The following CCDC3 variants were observed in gnomAD, a reference collection of about 807,000 sequenced individuals.
The protein encoded by CCDC3 is coiled-coil domain-containing protein 3.
A neutral mutation model predicts 21.4 loss-of-function variants in CCDC3; 24 were observed. The observed-to-expected ratio is 1.12, with a 90% CI of 0.81 to 1.58. The LOEUF (loss-of-function observed/expected upper bound fraction) is 1.58. Ranked by LOEUF, CCDC3 falls within the 40% of genes most tolerant of loss-of-function variation. The pLI, the probability that CCDC3 is intolerant of heterozygous loss-of-function variation, is 0.00. For synonymous variants in CCDC3, 186 were observed against 166.0 expected, an observed-to-expected ratio of 1.12 and a Z score of -0.93; for missense variants, 425 against 360.9, an observed-to-expected ratio of 1.18 and a Z score of -1.44.
intron 2 of CCDC3, among the ~76,000 whole-genome samples, chr10:12,908,781 CAG>C (rs1467676844): frequency 3.9e-5 from 6 of 152,004 alleles, no homozygotes; most frequent in Middle Eastern, 3.4e-3. Context: ...TTAGCAGAGA[CAG>C]GGTTTCACTG....
chr10:13,086,351 A>G (rs1422707200), intron 3 of CCDC3, among the ~76,000 whole-genome samples: 1 of 152,272 alleles, frequency 6.6e-6, no homozygotes. Context: ...TTAGCATAAC[A>G]ATTCCAAGTC....
At chr10:12,952,447 G>A (rs1297847638) in intron 2 of CCDC3, among the ~76,000 whole-genome samples, 1 of 152,192 alleles carries the variant, frequency 6.6e-6, no homozygotes. Flanking sequence ...TAGACTGAGA[G>A]AACAAAACAG....
intron 3 of CCDC3, among the ~76,000 whole-genome samples, chr10:13,097,317 C>G (rs544638940): frequency 6.6e-6 from 1 of 152,212 alleles, no homozygotes; most frequent in Non-Finnish European, 1.5e-5. Context: ...CTAACACAAG[C>G]AACAGCAACA....
intron 2 of CCDC3, among the ~76,000 whole-genome samples, chr10:12,991,219 C>G (rs1245342228): frequency 6.6e-6 from 1 of 152,192 alleles, no homozygotes; most frequent in Non-Finnish European, 1.5e-5. Flanking sequence ...CTGTCCCATT[C>G]CTATTTGCTT....
chr10:12,973,394 G>C (rs1835371127), intron 2 of CCDC3, among the ~76,000 whole-genome samples: 1 of 152,160 alleles, frequency 6.6e-6, no homozygotes, highest in South Asian at 2.1e-4. Context: ...ACCAATGGGG[G>C]AAGGCCTGAG....
chr10:13,058,393 G>A (rs762259067), intron 4 of CCDC3: 11 of 921,096 alleles, frequency 1.2e-5, no homozygotes, highest in South Asian at 7.7e-5. Context: ...ACGCTGCAGC[G>A]TAATTTGTCA....
chr10:12,956,882 C>G (rs1427676000), intron 2 of CCDC3, among the ~76,000 whole-genome samples: 1 of 152,210 alleles, frequency 6.6e-6, no homozygotes, highest in Non-Finnish European at 1.5e-5. Flanking sequence ...TGAAAAAACT[C>G]AAGGCTGCCA....
In CCDC3 at chr10:12,964,012, C is replaced by A. The variant is rs1835221113; in HGVS notation, c.549+34326G>T. ...GCCTACAAGGTACAAGTCAGTGATACAACTCTGGCCAATGACATGTGAGAA... is the reference window on the plus strand; with the variant it reads ...GCCTACAAGGTACAAGTCAGTGATAAAACTCTGGCCAATGACATGTGAGAA... On this transcript the variant is annotated intron_variant, in intron 2 of 2. Coordinates refer to ENST00000378825, the MANE Select transcript of CCDC3 (RefSeq NM_031455.4). Among the ~76,000 whole-genome samples, 3 of 151,600 alleles carry A rather than the reference C, an allele frequency of 2.0e-5. No homozygotes were observed. The South Asian group carries it at 6.4e-4, about 32-fold the overall frequency.
intron 2 of CCDC3, among the ~76,000 whole-genome samples, chr10:12,901,587 AT>A (rs1017650816): frequency 4.6e-5 from 7 of 152,234 alleles, no homozygotes; most frequent in African/African-American, 1.7e-4. Context: ...TGCACCTCTT[AT>A]TCCAAAGTCT....
chr10:12,948,845 C>T (rs888487227), intron 2 of CCDC3, among the ~76,000 whole-genome samples: 4 of 150,176 alleles, frequency 2.7e-5, no homozygotes, highest in African/African-American at 9.8e-5. Context: ...CATTCTCCTG[C>T]CTCAGCCTCC....
At chr10:12,955,020 A>T (rs1368748335) in intron 2 of CCDC3, among the ~76,000 whole-genome samples, 1 of 152,066 alleles carries the variant, frequency 6.6e-6, no homozygotes, top group Admixed American at 6.5e-5. Flanking sequence ...GTTGTCATTC[A>T]CAGCCTAGCA....
At chr10:12,899,324 T>C (rs1294649052) in intron 2 of CCDC3, among the ~76,000 whole-genome samples, 1 of 152,190 alleles carries the variant, frequency 6.6e-6, no homozygotes, top group Non-Finnish European at 1.5e-5. Context: ...ACATATTAGA[T>C]TGGCAAAATT....
Position 12,916,544 on chromosome 10 carries a change from T to C in CCDC3, c.550-17865A>G, listed in dbSNP as rs1834360282. Reference sequence around the variant, plus strand: ...CTGAGGCAGGAGAATCGCTTGAACCTGGGAGGCAGAGGTTGCAGTGAGCTG... The same window carrying C: ...CTGAGGCAGGAGAATCGCTTGAACCCGGGAGGCAGAGGTTGCAGTGAGCTG... On this transcript the variant is annotated intron_variant, in intron 2 of 2. Coordinates refer to ENST00000378825, the MANE Select transcript of CCDC3 (RefSeq NM_031455.4). 2.1e-5 allele frequency among the ~76,000 whole-genome samples: 3 copies of C among 144,266 alleles called. No homozygotes were observed. In the South Asian group the frequency reaches 6.6e-4, roughly 32 times the overall value. 94.6% of individuals were successfully genotyped at this position (144,266 alleles called of 152,430 possible).
At chr10:12,918,922 G>A (rs1244771385) in intron 2 of CCDC3, among the ~76,000 whole-genome samples, 2 of 152,162 alleles carry the variant, frequency 1.3e-5, no homozygotes, top group African/African-American at 2.4e-5. Context: ...ATGCATGGTG[G>A]TGGGCGCCTG....
intron 2 of CCDC3, among the ~76,000 whole-genome samples, chr10:12,939,484 A>C (rs1411037433): frequency 6.6e-6 from 1 of 152,178 alleles, no homozygotes; most frequent in Non-Finnish European, 1.5e-5. Context: ...TTAGCTAGGC[A>C]TAGTGGCATG....
Position 13,075,110 on chromosome 10 carries a change from C to T in CCDC3, c.-502-1010G>A, listed in dbSNP as rs370282937. Among the ~76,000 whole-genome samples, 12 of 152,342 alleles carry T rather than the reference C, an allele frequency of 7.9e-5. No homozygotes were observed. The East Asian group carries it at 1.7e-3, about 22-fold the overall frequency. On this transcript the variant is annotated intron_variant, in intron 3 of 6. Transcript: ENST00000378839. ...TCCCTGATGAACGAATGGTTTCCCACTGAAACGAGGCTTTACATCCCTTTA... is the reference window on the plus strand; with the variant it reads ...TCCCTGATGAACGAATGGTTTCCCATTGAAACGAGGCTTTACATCCCTTTA...
intron 2 of CCDC3, among the ~76,000 whole-genome samples, chr10:12,919,900 G>C (rs1834421543): frequency 6.6e-6 from 1 of 152,140 alleles, no homozygotes; most frequent in Non-Finnish European, 1.5e-5. Context: ...GAGGGAGTTT[G>C]ACCAGGGATG....
chr10:12,957,357 T>C (rs1420655102), intron 2 of CCDC3, among the ~76,000 whole-genome samples: 1 of 152,242 alleles, frequency 6.6e-6, no homozygotes, highest in Non-Finnish European at 1.5e-5. Context: ...CTGAACGAAA[T>C]CTATCTTTAC....
chr10:12,907,397 C>A (rs992799317), intron 2 of CCDC3, among the ~76,000 whole-genome samples: 23 of 152,198 alleles, frequency 1.5e-4, no homozygotes, highest in African/African-American at 5.5e-4. Flanking sequence ...GTAATCCCAG[C>A]ACTTTGGGAG....
Sources: gnomAD v4.1 joint callset for allele counts (sites outside exome capture counted in the v4.1 genomes callset) on GRCh38, gnomAD v4.1.1 for gene constraint, MANE v1.5 for transcripts, NCBI Gene and HGNC (gene_info 2026-07-23, HGNC 2026-07-21) for gene names.